Variants in ADAM17 observed in about 807,000 individuals in gnomAD.
ADAM17 encodes the protein disintegrin and metalloproteinase domain-containing protein 17.
Under a neutral mutation model 96.7 loss-of-function variants are expected in ADAM17, and 39 were observed. That is an observed-to-expected ratio of 0.40 (90% CI 0.31 to 0.53). The LOEUF (loss-of-function observed/expected upper bound fraction) is 0.53, where lower values mean the gene tolerates loss of function less well. Ranked by LOEUF, ADAM17 falls within the 20% of genes least tolerant of loss-of-function variation. The probability of loss-of-function intolerance (pLI) is 0.44; values close to 1 mark genes in which losing one functional copy is unlikely to be tolerated. For missense variants in ADAM17, 777 were observed against 1,013.2 expected (o/e 0.77, Z 3.17); for synonymous variants, 344 against 359.2 (o/e 0.96, Z 0.48).
intron 1 of ADAM17, 66 bp from the exon 2 acceptor site, chr2:9,543,351 G>A: frequency 1.5e-6 from 2 of 1,332,524 alleles, no homozygotes; most frequent in Admixed American, 2.7e-5. Flanking sequence ...TCGTTAAAAT[G>A]AGAGTGCCAG....
chr2:9,545,972 C>CTTG (rs1280700046), intron 1 of ADAM17, among the ~76,000 whole-genome samples: 2 of 151,788 alleles, frequency 1.3e-5, no homozygotes, highest in Non-Finnish European at 2.9e-5. Flanking sequence ...GTGGCATGTG[C>CTTG]TTGTAGTCTC....
In ADAM17 at chr2:9,492,892, A is replaced by G; in HGVS notation, c.2082+6T>C. ...ACATTTAATTACTTAAAAGTTGATGACTTACCACACAATGGACAAGAATGC... is the reference window on the plus strand; with the variant it reads ...ACATTTAATTACTTAAAAGTTGATGGCTTACCACACAATGGACAAGAATGC... On this transcript the variant is annotated splice_donor_region_variant and intron_variant, in intron 17 of 18. Transcript: ENST00000310823. 1 of 1,605,424 alleles carries G rather than the reference A, an allele frequency of 6.2e-7. No homozygotes were observed. The highest frequency in any genetic ancestry group is 2.2e-5 in the East Asian group (1 of 44,628).
At chr2:9,551,897 G>C (rs911683916) in intron 1 of ADAM17, among the ~76,000 whole-genome samples, 1 of 152,166 alleles carries the variant, frequency 6.6e-6, no homozygotes, top group African/African-American at 2.4e-5. Context: ...ATTCCTGACT[G>C]ATTTTACATG....
intron 11 of ADAM17, among the ~76,000 whole-genome samples, chr2:9,506,359 GTTT>G (rs769256744): frequency 1.1e-4 from 8 of 73,244 alleles, no homozygotes; most frequent in African/African-American, 2.3e-4. Context: ...CTTCAAATCT[GTTT>G]TTTTTTTTTT....
chr2:9,503,837 C>CAA lies in ADAM17; in HGVS notation c.1544+1327_1544+1328dup, dbSNP rs34655910. On this transcript the variant is annotated intron_variant, in intron 12 of 18. Coordinates refer to ENST00000310823, the MANE Select transcript of ADAM17 (RefSeq NM_003183.6). ...TGGGCGACAGAGCAAGACTCCGTCT[C>CAA]AAAAAAAAAAAAAAAGAAATAAAAG... 4.5e-3 allele frequency among the ~76,000 whole-genome samples: 564 copies of CAA among 124,690 alleles called. 7 individuals carry two copies. The highest frequency in any genetic ancestry group is 0.011 in the African/African-American group (371 of 32,912). The allele number at this position is 124,690 out of a possible 152,430, so 81.8% of individuals were successfully genotyped here. A position where few individuals can be genotyped will look rare whatever the true frequency, so the allele number is the denominator to read the frequency against.
At chr2:9,519,212 T>A (rs1374975278) in intron 8 of ADAM17, among the ~76,000 whole-genome samples, 1 of 152,120 alleles carries the variant, frequency 6.6e-6, no homozygotes. Context: ...ACCCTCAATG[T>A]TTAAAATGCT....
intron 10 of ADAM17, among the ~76,000 whole-genome samples, chr2:9,514,761 G>C (rs1235557789): frequency 2.6e-5 from 4 of 151,314 alleles, no homozygotes; most frequent in Admixed American, 2.6e-4. Flanking sequence ...TGTAGTCCCA[G>C]CTACTTGGGA....
At chr2:9,527,757 T>G (rs1256456542) in intron 5 of ADAM17, 29 bp downstream of exon 5, 1 of 1,443,378 alleles carries the variant, frequency 6.9e-7, no homozygotes, top group African/African-American at 1.5e-5. Flanking sequence ...TGTTTGTTTC[T>G]TATTTGAAAT....
chr2:9,537,504 T>A lies in ADAM17; in HGVS notation c.231-676A>T, dbSNP rs113303927. Among the ~76,000 whole-genome samples, 337 of 152,282 alleles carry A rather than the reference T, an allele frequency of 2.2e-3. 2 individuals carry two copies. The highest frequency in any genetic ancestry group is 7.5e-3 in the African/African-American group (312 of 41,554). ...ATCCCAGCACTTTGGGAGGTTGAGC[T>A]GGGCGGATCACGAGGTCAGGAGATC... On this transcript the variant is annotated intron_variant, in intron 2 of 18. Coordinates refer to ENST00000310823, the MANE Select transcript of ADAM17 (RefSeq NM_003183.6).
intron 15 of ADAM17, 70 bp from the exon 16 acceptor site, chr2:9,493,895 A>T: frequency 7.5e-7 from 1 of 1,332,394 alleles, no homozygotes; most frequent in Non-Finnish European, 1.1e-6. Flanking sequence ...GTAGCTTTAT[A>T]AAAATAACTG....
At chr2:9,549,479 A>C (rs2125044961) in intron 1 of ADAM17, among the ~76,000 whole-genome samples, 1 of 152,324 alleles carries the variant, frequency 6.6e-6, no homozygotes, top group African/African-American at 2.4e-5. Flanking sequence ...GTATTTAAGA[A>C]CAATGTAAAT....
At chr2:9,497,921 C>T (rs1011486609) in intron 13 of ADAM17, among the ~76,000 whole-genome samples, 18 of 152,158 alleles carry the variant, frequency 1.2e-4, no homozygotes, top group Admixed American at 3.3e-4. Context: ...TGTTTTCCCT[C>T]TACTAGACTG....
chr2:9,549,469 G>A (rs1558528000), intron 1 of ADAM17, among the ~76,000 whole-genome samples: 1 of 152,156 alleles, frequency 6.6e-6, no homozygotes, highest in Non-Finnish European at 1.5e-5. Flanking sequence ...CGTCCCACAC[G>A]TATTTAAGAA....
intron 10 of ADAM17, among the ~76,000 whole-genome samples, chr2:9,516,419 C>G (rs919099281): frequency 6.6e-6 from 1 of 152,010 alleles, no homozygotes; most frequent in Non-Finnish European, 1.5e-5. Context: ...GCAGTCTTTT[C>G]TCAGATGTGT....
intron 11 of ADAM17, among the ~76,000 whole-genome samples, chr2:9,509,006 T>C (rs1443878352): frequency 4.7e-5 from 7 of 150,182 alleles, no homozygotes; most frequent in African/African-American, 1.7e-4. Flanking sequence ...AAAAATGAGA[T>C]GCAACAATCA....
chr2:9,544,503 C>T (rs1435387753), intron 1 of ADAM17, among the ~76,000 whole-genome samples: 1 of 150,804 alleles, frequency 6.6e-6, no homozygotes, highest in East Asian at 2.0e-4. Context: ...CTAGCCTGGG[C>T]GACAGAGCAA....
At chr2:9,505,519 A>C in intron 11 of ADAM17, 154 bp from the exon 12 acceptor site, 3 of 705,054 alleles carry the variant, frequency 4.3e-6, no homozygotes, top group Non-Finnish European at 7.1e-6. Context: ...TCTCCTCCAA[A>C]GGCCACTGAT....
intron 2 of ADAM17, among the ~76,000 whole-genome samples, chr2:9,542,030 A>G (rs899015348): frequency 6.6e-6 from 1 of 152,202 alleles, no homozygotes; most frequent in African/African-American, 2.4e-5. Context: ...ACAGAGCAAG[A>G]CTCTCAAAAA....
chr2:9,549,011 A>G (rs1481706761), intron 1 of ADAM17, among the ~76,000 whole-genome samples: 1 of 152,212 alleles, frequency 6.6e-6, no homozygotes, highest in East Asian at 1.9e-4. Context: ...CATAAAGTAT[A>G]TCCATATTTT....
Sources: allele counts gnomAD v4.1 joint callset (sites outside exome capture counted in the v4.1 genomes callset), GRCh38; gene constraint gnomAD v4.1.1; transcripts MANE v1.5; gene names NCBI Gene and HGNC (gene_info 2026-07-23, HGNC 2026-07-21).